The following DACT1 variants were observed in gnomAD, a reference collection of about 807,000 sequenced individuals.
The protein encoded by DACT1 is dapper homolog 1.
DACT1 carries 19 observed loss-of-function variants against 35.3 expected under a neutral mutation model. The observed-to-expected ratio is 0.54, with a 90% CI of 0.38 to 0.79. The LOEUF (loss-of-function observed/expected upper bound fraction) is 0.79. Among genes scored for constraint, DACT1 ranks in the 30% least tolerant of loss-of-function variants. The pLI is 0.00. For missense variants in DACT1, 1,143 were observed against 1,057.5 expected (o/e 1.08, Z -1.12); for synonymous variants, 545 against 466.7 (o/e 1.17, Z -2.16).
upstream of DACT1, among the ~76,000 whole-genome samples, chr14:58,637,845 G>A (rs1337108632): frequency 2.0e-5 from 3 of 151,720 alleles, no homozygotes; most frequent in Non-Finnish European, 4.4e-5. Flanking sequence ...CGGCGCGCCT[G>A]ACAGAGGAGG....
chr14:58,634,085 G>A (rs2140208064), upstream of DACT1: 1 of 152,198 alleles, frequency 6.6e-6, no homozygotes, highest in East Asian at 1.9e-4. Flanking sequence ...TCTGCAGGAG[G>A]AAGCAGGAGC....
At chr14:58,635,054 C>A (rs751097113), upstream of DACT1, among the ~76,000 whole-genome samples, 5 of 152,074 alleles carry the variant, frequency 3.3e-5, no homozygotes, top group African/African-American at 1.2e-4. Flanking sequence ...AGCAGACAGG[C>A]GTGTCCAGGG....
Position 58,646,111 on chromosome 14 carries a change from G to T in DACT1, c.1377G>T (p.Pro459=), listed in dbSNP as rs563942207. ...AGAGTCCTAGCAGAGGCCCTGCCCC[G>T]CCGCAGGAGAACAAAGTTGTACAGC... is the stretch of plus-strand genomic sequence containing the variant. The part of the protein sequence containing the change: ...PKESPSRGPA[P]PQENKVVQPL... The change falls in exon 4 of 4, where the codon CCG becomes CCT. Residue 459 remains proline, a synonymous_variant. Transcript: ENST00000395153. 1 of 1,612,498 alleles carries T rather than the reference G, an allele frequency of 6.2e-7. No homozygotes were observed. Among genetic ancestry groups the T allele is most frequent in the East Asian group, 2.2e-5 (1 of 44,882 alleles).
chr14:58,641,573 A>G lies in DACT1; in HGVS notation c.479-19A>G. 2 of 1,607,434 alleles carry G rather than the reference A, an allele frequency of 1.2e-6. No homozygotes were observed. The highest frequency in any genetic ancestry group is 1.1e-5 in the South Asian group (1 of 89,410). ...ATTTCTTGACATGATGTTAATTCCAACGGTGTTTTTATTTGTAGGGTTTTA... is the reference window on the plus strand; with the variant it reads ...ATTTCTTGACATGATGTTAATTCCAGCGGTGTTTTTATTTGTAGGGTTTTA... On this transcript the variant is annotated intron_variant, in intron 2 of 3. Transcript: ENST00000395153.
chr14:58,637,602 T>C (rs1283339155), upstream of DACT1, among the ~76,000 whole-genome samples: 1 of 152,152 alleles, frequency 6.6e-6, no homozygotes, highest in Non-Finnish European at 1.5e-5. Context: ...AACTGCCGCG[T>C]CCCGTCGCGG....
chr14:58,642,793 C>A (rs1396520793), intron 3 of DACT1, among the ~76,000 whole-genome samples: 1 of 152,208 alleles, frequency 6.6e-6, no homozygotes, highest in Non-Finnish European at 1.5e-5. Context: ...CTTTCATGTT[C>A]TCCAGAATGT....
At chr14:58,635,600 A>G (rs1209634085), upstream of DACT1, among the ~76,000 whole-genome samples, 1 of 151,928 alleles carries the variant, frequency 6.6e-6, no homozygotes, top group Non-Finnish European at 1.5e-5. Context: ...ACTTGCTGAG[A>G]ACACTTTTTC....
chr14:58,640,346 A>G (rs2047615398), intron 1 of DACT1, among the ~76,000 whole-genome samples: 1 of 152,220 alleles, frequency 6.6e-6, no homozygotes, highest in East Asian at 1.9e-4. Flanking sequence ...GTATTATAGG[A>G]AATCTCTTAC....
chr14:58,638,018 C>T lies in DACT1; in HGVS notation c.-185C>T, dbSNP rs1403811162. Reference sequence around the variant, plus strand: ...CGCGGCGACAGCGGACGGCGCTGCCCGGGCCGGGACAGCAGCAGCCGGCGG... The same window carrying T: ...CGCGGCGACAGCGGACGGCGCTGCCTGGGCCGGGACAGCAGCAGCCGGCGG... On this transcript the variant is annotated 5_prime_UTR_variant, in exon 1 of 4. Coordinates refer to ENST00000395153, the MANE Select transcript of DACT1 (RefSeq NM_001079520.2). 4.2e-6 allele frequency: 2 copies of T among 480,696 alleles called. No individual in the cohort carries two copies. The highest frequency in any genetic ancestry group is 4.1e-5 in the African/African-American group (2 of 48,578). The allele number at this position is 480,696 out of a possible 1,614,324, so 29.8% of individuals were successfully genotyped here.
intron 3 of DACT1, among the ~76,000 whole-genome samples, chr14:58,643,703 C>G (rs1207530409): frequency 6.6e-6 from 1 of 152,142 alleles, no homozygotes. Flanking sequence ...ACAGTTGCAC[C>G]AGGCCTTGGG....
intron 1 of DACT1, among the ~76,000 whole-genome samples, chr14:58,639,542 TTTC>T (rs2047607723): frequency 6.6e-6 from 1 of 152,198 alleles, no homozygotes; most frequent in Admixed American, 6.5e-5. Flanking sequence ...TGTCATGTGT[TTTC>T]TTCTATTATC....
rs1164274868 is a variant in DACT1, at chr14:58,638,259, A to G, written c.57A>G (p.Arg19=). 3 of 1,367,232 alleles carry G rather than the reference A, an allele frequency of 2.2e-6. No individual in the cohort carries two copies. The highest frequency in any genetic ancestry group is 2.8e-6 in the Non-Finnish European group (3 of 1,061,094). The allele number at this position is 1,367,232 out of a possible 1,614,324, so 84.7% of individuals were successfully genotyped here. ...AKELEPPAPA[R]GEQRTAEPEG... ...AGCTGGAGCCTCCGGCGCCGGCCCG[A>G]GGCGAGCAGCGCACGGCGGAGCCCG... Residue 19 remains arginine (R), a synonymous_variant, in exon 1 of 4, where the codon CGA becomes CGG. Coordinates refer to ENST00000395153, the MANE Select transcript of DACT1 (RefSeq NM_001079520.2).
In DACT1 at chr14:58,646,877, A is replaced by G. The variant is rs2047695030; in HGVS notation, c.2143A>G (p.Asn715Asp). The change falls in exon 4 of 4, where the codon AAC becomes GAC. Residue 715 changes from asparagine to aspartate, a missense_variant. Coordinates refer to ENST00000395153, the MANE Select transcript of DACT1 (RefSeq NM_001079520.2). ...SEDEQSNYTT[N>D]CFGDSESSVS... ...GGACGAGCAGAGCAATTACACCACC[A>G]ACTGCTTCGGGGACAGCGAGTCGAG... 3 of 1,614,010 alleles carry G rather than the reference A, an allele frequency of 1.9e-6. No individual in the cohort carries two copies. Among genetic ancestry groups the G allele is most frequent in the Non-Finnish European group, 2.5e-6 (3 of 1,180,022 alleles).
intron 1 of DACT1, 138 bp downstream of exon 1, chr14:58,638,685 C>T (rs2047599007): frequency 1.7e-6 from 2 of 1,198,068 alleles, no homozygotes; most frequent in Middle Eastern, 3.2e-4. Flanking sequence ...CCGCCCCATA[C>T]CTCCCTGATC....
intron 3 of DACT1, among the ~76,000 whole-genome samples, chr14:58,643,946 C>T (rs146720848): frequency 3.7e-4 from 57 of 152,230 alleles, no homozygotes; most frequent in Admixed American, 1.1e-3. Context: ...TACATATCAT[C>T]TCTGGGTCTA....
Position 58,646,341 on chromosome 14 carries a change from A to C in DACT1, c.1607A>C (p.His536Pro), listed in dbSNP as rs1391068870. Residue 536 changes from histidine to proline, a missense_variant, in exon 4 of 4, where the codon CAC becomes CCC. His to Pro is a moderately conservative substitution (Grantham distance 77, BLOSUM62 -2). Coordinates refer to ENST00000395153, the MANE Select transcript of DACT1 (RefSeq NM_001079520.2). ...QQPSVRLHRG[H>P]RNMGVVKNSS... ...CCCAGTGTCAGGCTCCACCGGGGCCACAGGAACATGGGCGTCGTGAAGAAC... is the reference window on the plus strand; with the variant it reads ...CCCAGTGTCAGGCTCCACCGGGGCCCCAGGAACATGGGCGTCGTGAAGAAC... 1.9e-6 allele frequency: 3 copies of C among 1,608,476 alleles called. No homozygotes were observed. The highest frequency in any genetic ancestry group is 8.5e-7 in the Non-Finnish European group (1 of 1,178,704).
intron 1 of DACT1, among the ~76,000 whole-genome samples, chr14:58,640,195 T>C (rs1010571060): frequency 6.6e-6 from 1 of 152,252 alleles, no homozygotes; most frequent in East Asian, 1.9e-4. Flanking sequence ...CCAGCTCACA[T>C]TATACTTGGC....
At position 58,646,056 on chromosome 14, in the gene DACT1, G is replaced by A. The variant is rs2047675910; in HGVS notation, c.1322G>A (p.Ser441Asn). Residue 441 changes from serine to asparagine, a missense_variant, in exon 4 of 4, where the codon AGC becomes AAC. Ser to Asn is a conservative substitution (Grantham distance 46, BLOSUM62 1). Transcript: ENST00000395153. ...AIGTGESPKE[S>N]AQLSGASPKE... The stretch of plus-strand genomic sequence containing the variant: ...GGGACAGGGGAGTCCCCTAAGGAAA[G>A]CGCTCAGCTCTCAGGGGCCTCTCCA... The A allele has an allele frequency of 1.9e-6, 3 of 1,613,866 alleles. No individual in the cohort carries two copies. Among genetic ancestry groups the A allele is most frequent in the East Asian group, 2.2e-5 (1 of 44,878 alleles).
At position 58,638,237 on chromosome 14, in the gene DACT1, T is replaced by TG; in HGVS notation, c.37dup (p.Glu13GlyfsTer121). ...AGTCCGGCCGGGACGGCGAAGGAGC[T>TG]GGAGCCTCCGGCGCCGGCCCGAGGC... On this transcript the variant is annotated frameshift_variant, in exon 1 of 4. Transcript: ENST00000395153. LOFTEE classifies it high-confidence loss of function. 7.3e-7 allele frequency: 1 copy of TG among 1,364,060 alleles called. No individual in the cohort carries two copies. Among genetic ancestry groups the TG allele is most frequent in the Non-Finnish European group, 9.4e-7 (1 of 1,059,142 alleles). The allele number at this position is 1,364,060 out of a possible 1,614,324, so 84.5% of individuals were successfully genotyped here. A position where few individuals can be genotyped will look rare whatever the true frequency, so the allele number is the denominator to read the frequency against.
Sources: gnomAD v4.1 joint callset for allele counts (sites outside exome capture counted in the v4.1 genomes callset) on GRCh38, gnomAD v4.1.1 for gene constraint, MANE v1.5 for transcripts, NCBI Gene and HGNC (gene_info 2026-07-23, HGNC 2026-07-21) for gene names.